VWA3B: variants seen among roughly 807,000 people sequenced by gnomAD.
VWA3B encodes von Willebrand factor A domain-containing protein 3B.
A neutral mutation model predicts 158.3 loss-of-function variants in VWA3B; 138 were observed. That is an observed-to-expected ratio of 0.87 (90% CI 0.76 to 1.00). The LOEUF (loss-of-function observed/expected upper bound fraction) is 1.00. Among genes scored for constraint, VWA3B ranks in the 50% least tolerant of loss-of-function variants. VWA3B has a pLI of 0.00. For synonymous variants in VWA3B, 596 were observed against 587.3 expected, an observed-to-expected ratio of 1.01 and a Z score of -0.21; for missense variants, 1,555 against 1,565.1, an observed-to-expected ratio of 0.99 and a Z score of 0.11.
chr2:98,276,562 A>T (rs1688533433), intron 22 of VWA3B, among the ~76,000 whole-genome samples: 1 of 152,230 alleles, frequency 6.6e-6, no homozygotes, highest in Non-Finnish European at 1.5e-5. Context: ...GGATGAGACC[A>T]TTCAGAGTGG....
Position 98,193,039 on chromosome 2 carries a change from T to C in VWA3B, c.1605+3T>C. 6.2e-7 allele frequency: 1 copy of C among 1,608,376 alleles called. No individual in the cohort carries two copies. Among genetic ancestry groups the C allele is most frequent in the Non-Finnish European group, 8.5e-7 (1 of 1,176,614 alleles). On this transcript the variant is annotated splice_donor_region_variant and intron_variant, in intron 11 of 27. Transcript: ENST00000477737. ...ACAAGATCATTCAGTTCATACAGGT[T>C]AGATGGAACTGTCGGTTCATGCATT...
intron 27 of VWA3B, 67 bp downstream of exon 27, chr2:98,312,099 A>G (rs1690940479): frequency 1.9e-6 from 3 of 1,609,936 alleles, no homozygotes; most frequent in African/African-American, 1.3e-5. Context: ...CCTTTCAAGA[A>G]TAGTACACCT....
Position 98,168,160 on chromosome 2 carries a change from A to G in VWA3B, c.1114+5184A>G, listed in dbSNP as rs994489884. ...CAATCAAAACTGACTGAGAACTAAC[A>G]CAGACATTAGAAATGGCAGAAGAGT... is the stretch of plus-strand genomic sequence containing the variant. On this transcript the variant is annotated intron_variant, in intron 8 of 27. Transcript: ENST00000477737. Among the ~76,000 whole-genome samples the G allele has an allele frequency of 2.0e-5, 3 of 152,342 alleles. No individual in the cohort carries two copies. The South Asian group carries it at 6.2e-4, about 32-fold the overall frequency.
intron 8 of VWA3B, among the ~76,000 whole-genome samples, chr2:98,177,163 A>C (rs968594655): frequency 3.9e-5 from 6 of 152,166 alleles, no homozygotes; most frequent in African/African-American, 1.4e-4. Context: ...GGCCCTGGCT[A>C]TAGCAGGGAT....
At chr2:98,150,624 G>A (rs925683443) in intron 7 of VWA3B, among the ~76,000 whole-genome samples, 3 of 152,140 alleles carry the variant, frequency 2.0e-5, no homozygotes, top group African/African-American at 7.2e-5. Context: ...AGACCCTTTT[G>A]CCCAATTTCT....
intron 12 of VWA3B, among the ~76,000 whole-genome samples, chr2:98,200,348 C>T (rs1021889229): frequency 6.6e-6 from 1 of 152,088 alleles, no homozygotes; most frequent in Non-Finnish European, 1.5e-5. Flanking sequence ...CAAGACCAGC[C>T]TGGCCAACAT....
chr2:98,238,905 GA>G (rs1260897644), intron 19 of VWA3B, among the ~76,000 whole-genome samples: 4 of 152,018 alleles, frequency 2.6e-5, no homozygotes, highest in Admixed American at 6.6e-5. Context: ...GGAAAAAAAG[GA>G]AAAAAGTCAA....
intron 6 of VWA3B, among the ~76,000 whole-genome samples, chr2:98,129,264 G>A (rs909468065): frequency 7.8e-6 from 1 of 127,836 alleles, no homozygotes; most frequent in Admixed American, 7.4e-5. Context: ...TGTGTGGAGA[G>A]AGAGGGAGGA....
intron 7 of VWA3B, among the ~76,000 whole-genome samples, chr2:98,149,060 G>A (rs935328798): frequency 6.6e-6 from 1 of 152,120 alleles, no homozygotes; most frequent in African/African-American, 2.4e-5. Flanking sequence ...GACATTCTAA[G>A]CTTTTTGGGT....
intron 7 of VWA3B, among the ~76,000 whole-genome samples, chr2:98,161,842 G>A (rs1249994362): frequency 6.6e-6 from 1 of 152,084 alleles, no homozygotes; most frequent in Admixed American, 6.5e-5. Flanking sequence ...GAGTAGCTGG[G>A]ATTACAGGCA....
intron 7 of VWA3B, among the ~76,000 whole-genome samples, chr2:98,160,910 T>C (rs560566720): frequency 9.8e-5 from 15 of 152,322 alleles, no homozygotes; most frequent in Admixed American, 5.9e-4. Flanking sequence ...CTCACTTGAT[T>C]TGTCCCACTT....
At chr2:98,091,680 C>T (rs1029542144) in intron 1 of VWA3B, among the ~76,000 whole-genome samples, 4 of 152,222 alleles carry the variant, frequency 2.6e-5, no homozygotes, top group African/African-American at 7.2e-5. Context: ...TTTTATAAAA[C>T]CTCCCTGACT....
chr2:98,156,709 C>T (rs1483841910), intron 7 of VWA3B, among the ~76,000 whole-genome samples: 1 of 139,916 alleles, frequency 7.1e-6, no homozygotes, highest in Non-Finnish European at 1.5e-5. Context: ...AAAGGAAACT[C>T]ATAAAGTTCT....
intron 21 of VWA3B, among the ~76,000 whole-genome samples, 183 bp downstream of exon 21, chr2:98,256,357 T>C (rs565793647): frequency 6.6e-6 from 1 of 152,116 alleles, no homozygotes; most frequent in Non-Finnish European, 1.5e-5. Flanking sequence ...TAACCATAAA[T>C]TAATCACTCC....
At chr2:98,202,928 G>A (rs1052455954) in intron 12 of VWA3B, among the ~76,000 whole-genome samples, 1 of 152,072 alleles carries the variant, frequency 6.6e-6, no homozygotes, top group African/African-American at 2.4e-5. Context: ...CACCTCCCAG[G>A]TTCAAGCGAT....
rs796346857 is a variant in VWA3B, at chr2:98,133,549, G to C, written c.873-275G>C. The C allele has an allele frequency of 2.4e-5, 10 of 415,598 alleles. No individual in the cohort carries two copies. In the South Asian group the frequency reaches 3.6e-4, roughly 15 times the overall value. 25.7% of individuals were successfully genotyped at this position (415,598 alleles called of 1,614,324 possible). ...ATAAGCATAGAGTGTCATTTTCCCA[G>C]GACCAAGAAATACCATTTGGTTGAG... is the stretch of plus-strand genomic sequence containing the variant. On this transcript the variant is annotated intron_variant, in intron 6 of 27. Coordinates refer to ENST00000477737, the MANE Select transcript of VWA3B (RefSeq NM_144992.5).
At chr2:98,162,030 C>A (rs1678636142) in intron 7 of VWA3B, among the ~76,000 whole-genome samples, 1 of 152,154 alleles carries the variant, frequency 6.6e-6, no homozygotes, top group African/African-American at 2.4e-5. Context: ...TCTTTACCCA[C>A]TTTCCCCCAT....
intron 23 of VWA3B, among the ~76,000 whole-genome samples, chr2:98,294,886 G>T (rs1025250019): frequency 1.3e-5 from 2 of 152,140 alleles, no homozygotes; most frequent in African/African-American, 4.8e-5. Context: ...CTTCTCCAAC[G>T]GGATTTAAAA....
chr2:98,100,262 T>G (rs1352527764), intron 2 of VWA3B, among the ~76,000 whole-genome samples: 1 of 152,238 alleles, frequency 6.6e-6, no homozygotes, highest in Admixed American at 6.5e-5. Context: ...AGTCTTCTGG[T>G]GTGGTCCCTA....
Sources: gnomAD v4.1 joint callset for allele counts (sites outside exome capture counted in the v4.1 genomes callset) on GRCh38, gnomAD v4.1.1 for gene constraint, MANE v1.5 for transcripts, NCBI Gene and HGNC (gene_info 2026-07-23, HGNC 2026-07-21) for gene names.